The following CD9 variants were observed in gnomAD, a reference collection of about 807,000 sequenced individuals.
CD9 encodes the protein CD9 molecule.
A neutral mutation model predicts 31.4 loss-of-function variants in CD9; 10 were observed. That is an observed-to-expected ratio of 0.32 (90% CI 0.20 to 0.54). CD9 has a LOEUF of 0.54. CD9 is among the 20% of genes least tolerant of loss of function. The pLI is 0.94. For synonymous variants in CD9, 113 were observed against 114.1 expected (o/e 0.99, Z 0.06); for missense variants, 259 against 300.1 (o/e 0.86, Z 1.01).
At position 6,232,922 on chromosome 12, in the gene CD9, T is replaced by TA. The variant is rs1464086398; in HGVS notation, c.273+194dup. On this transcript the variant is annotated intron_variant, in intron 3 of 7. Transcript: ENST00000009180. The surrounding 1 kb of genome is among the most constrained non-coding windows in gnomAD (Gnocchi z 4.8). ...CCCTCTTCCTTTCTGGAGCCTGTCT[T>TA]ATCGCTTCCCCTAGGCAACTAAAAG... The TA allele has an allele frequency of 1.1e-5, 8 of 702,898 alleles. No homozygotes were observed. In the East Asian group the frequency reaches 2.1e-4, roughly 19 times the overall value. 43.5% of individuals were successfully genotyped at this position (702,898 alleles called of 1,614,324 possible). A position where few individuals can be genotyped will look rare whatever the true frequency, so the allele number is the denominator to read the frequency against.
At chr12:6,207,004 C>T (rs1946139848) in intron 1 of CD9, among the ~76,000 whole-genome samples, 1 of 152,010 alleles carries the variant, frequency 6.6e-6, no homozygotes, top group African/African-American at 2.4e-5. Flanking sequence ...CAATCCTGGC[C>T]TCAGCCTCTC....
upstream of CD9, chr12:6,200,287 G>C (rs1591958874): frequency 1.4e-5 from 4 of 292,488 alleles, no homozygotes; most frequent in East Asian, 1.7e-4. Flanking sequence ...TGGGGCGGGA[G>C]GCGTGGCCGG....
rs1565431506 is a variant in CD9, at chr12:6,237,912, TTTG to T, written c.*90_*92del. 1.9e-6 allele frequency: 2 copies of T among 1,069,216 alleles called. No homozygotes were observed. Among genetic ancestry groups the T allele is most frequent in the Non-Finnish European group, 2.9e-6 (2 of 701,660 alleles). The allele number at this position is 1,069,216 out of a possible 1,614,324, so 66.2% of individuals were successfully genotyped here. A position where few individuals can be genotyped will look rare whatever the true frequency, so the allele number is the denominator to read the frequency against. On this transcript the variant is annotated 3_prime_UTR_variant, in exon 8 of 8. Coordinates refer to ENST00000009180, the MANE Select transcript of CD9 (RefSeq NM_001769.4). ...TTTGTTTGTTTTGTTTTGTTTGTTG[TTTG>T]TTGTTTGTTTTTTTGCCACTAATTT...
chr12:6,207,924 C>T (rs1407863624), intron 1 of CD9, among the ~76,000 whole-genome samples: 4 of 152,206 alleles, frequency 2.6e-5, no homozygotes, highest in African/African-American at 9.6e-5. Flanking sequence ...ATGAGCTCTG[C>T]TAGAAAAGTA....
chr12:6,200,779 C>T (rs1346210184), intron 1 of CD9: 1 of 449,612 alleles, frequency 2.2e-6, no homozygotes, highest in African/African-American at 2.1e-5. Context: ...GGTGGGGGCT[C>T]ATCACCGCCC....
At chr12:6,204,996 CAG>C (rs1946115467) in intron 1 of CD9, among the ~76,000 whole-genome samples, 2 of 152,226 alleles carry the variant, frequency 1.3e-5, no homozygotes, top group Non-Finnish European at 2.9e-5. Context: ...AATTGCCTGT[CAG>C]AGAAACCCTA....
intron 1 of CD9, among the ~76,000 whole-genome samples, chr12:6,219,488 CT>C (rs527658658): frequency 1.3e-5 from 2 of 148,476 alleles, no homozygotes; most frequent in Non-Finnish European, 3.0e-5. Context: ...TTTGTGGTTT[CT>C]TTTTTTTTTC....
At chr12:6,202,459 C>T (rs1265423878) in intron 1 of CD9, among the ~76,000 whole-genome samples, 2 of 152,266 alleles carry the variant, frequency 1.3e-5, no homozygotes, top group Admixed American at 6.5e-5. Flanking sequence ...GGTACAGTCT[C>T]TCCCGGCTGG....
At chr12:6,225,346 C>A in intron 1 of CD9, 80 bp from the exon 2 acceptor site, 1 of 905,580 alleles carries the variant, frequency 1.1e-6, no homozygotes, top group Non-Finnish European at 1.8e-6. Flanking sequence ...AAGTCCTTTG[C>A]AAGTCTCACC....
intron 1 of CD9, among the ~76,000 whole-genome samples, chr12:6,219,704 C>A (rs1440962813): frequency 6.6e-6 from 1 of 152,040 alleles, no homozygotes; most frequent in African/African-American, 2.4e-5. Context: ...CCAGGATGGT[C>A]TCCATCTCCT....
intron 1 of CD9, among the ~76,000 whole-genome samples, chr12:6,218,227 C>A (rs1429573271): frequency 1.7e-4 from 24 of 145,118 alleles, no homozygotes; most frequent in South Asian, 2.2e-4. Context: ...GACCCTGTCT[C>A]AAAAAAAAAA....
At chr12:6,233,511 T>G (rs778205493) in intron 4 of CD9, 25 bp downstream of exon 4, 1 of 1,570,808 alleles carries the variant, frequency 6.4e-7, no homozygotes, top group Non-Finnish European at 8.8e-7. Flanking sequence ...TGAGATCTCT[T>G]GGGTTTGGGA....
At chr12:6,206,903 T>TC (rs1946138610) in intron 1 of CD9, among the ~76,000 whole-genome samples, 2 of 151,572 alleles carry the variant, frequency 1.3e-5, no homozygotes, top group African/African-American at 4.8e-5. Flanking sequence ...CATAGACATT[T>TC]TTTTTTTTTT....
chr12:6,225,803 T>C, intron 2 of CD9: 2 of 458,966 alleles, frequency 4.4e-6, no homozygotes, highest in Admixed American at 3.9e-5. Flanking sequence ...CTGCCAAAGT[T>C]GTACTCATTC....
At chr12:6,223,038 A>G (rs1465873733) in intron 1 of CD9, among the ~76,000 whole-genome samples, 2 of 152,220 alleles carry the variant, frequency 1.3e-5, no homozygotes, top group South Asian at 2.1e-4. Context: ...CTGTCTCGCT[A>G]TCTCCCTATG....
At chr12:6,233,607 C>T in intron 4 of CD9, 121 bp downstream of exon 4, 1 of 745,824 alleles carries the variant, frequency 1.3e-6, no homozygotes, top group South Asian at 1.6e-5. Flanking sequence ...GGCCTCTTAT[C>T]TCATCGCGTC....
chr12:6,219,225 C>G (rs902141138), intron 1 of CD9, among the ~76,000 whole-genome samples: 6 of 151,930 alleles, frequency 3.9e-5, no homozygotes, highest in African/African-American at 1.4e-4. Flanking sequence ...AGGCTGGTCT[C>G]AAACTCCTGA....
At chr12:6,213,913 G>A (rs138374292) in intron 1 of CD9, among the ~76,000 whole-genome samples, 2 of 152,316 alleles carry the variant, frequency 1.3e-5, no homozygotes, top group African/African-American at 4.8e-5. Flanking sequence ...AGCTGCAGCA[G>A]GCAGGGAAAC....
At position 6,200,446 on chromosome 12, in the gene CD9, GCGCGCGCCCC is replaced by G; in HGVS notation, c.-52_-43del. On this transcript the variant is annotated 5_prime_UTR_variant, in exon 1 of 8. Transcript: ENST00000009180. Reference sequence around the variant, plus strand: ...GCGCCAGGTCCCGCCAGTCCCAGCTGCGCGCGCCCCCCAGTCCCGCACCCGTTCGGCCCAG... The same window carrying G: ...GCGCCAGGTCCCGCCAGTCCCAGCTGCCAGTCCCGCACCCGTTCGGCCCAG... The G allele has an allele frequency of 8.3e-7, 1 of 1,203,492 alleles. No homozygotes were observed. Among genetic ancestry groups the G allele is most frequent in the Non-Finnish European group, 1.2e-6 (1 of 809,824 alleles). The allele number at this position is 1,203,492 out of a possible 1,614,324, so 74.6% of individuals were successfully genotyped here.
Sources: allele counts gnomAD v4.1 joint callset (sites outside exome capture counted in the v4.1 genomes callset), GRCh38; gene constraint gnomAD v4.1.1; non-coding constraint Gnocchi (gnomAD v3.1); transcripts MANE v1.5; gene names NCBI Gene and HGNC (gene_info 2026-07-23, HGNC 2026-07-21).